Variants in ADAM15 observed in about 807,000 individuals in gnomAD.
ADAM15 encodes disintegrin and metalloproteinase domain-containing protein 15.
Under a neutral mutation model 113.8 loss-of-function variants are expected in ADAM15, and 77 were observed. That is an observed-to-expected ratio of 0.68 (90% CI 0.56 to 0.82). ADAM15 has a LOEUF of 0.82. Among genes scored for constraint, ADAM15 ranks in the 40% least tolerant of loss-of-function variants. The probability of loss-of-function intolerance (pLI) is 0.00; values close to 1 mark genes in which losing one functional copy is unlikely to be tolerated. For missense variants in ADAM15, 963 were observed against 1,120.1 expected (o/e 0.86, Z 2.00); for synonymous variants, 388 against 454.1 (o/e 0.85, Z 1.85).
In ADAM15 at chr1:155,055,808, G is replaced by C; in HGVS notation, c.631G>C (p.Glu211Gln). Residue 211 changes from glutamate to glutamine, a missense_variant, in exon 7 of 23, where the codon GAG becomes CAG. Physicochemically the swap from Glu to Gln is conservative, Grantham distance 29 (BLOSUM62 2). Coordinates refer to ENST00000356955, the MANE Select transcript of ADAM15 (RefSeq NM_207197.3). Reference protein sequence around the residue: ...HIRRRRDVVTETKTVELVIVA... With the variant: ...HIRRRRDVVTQTKTVELVIVA... ...ATAGTAGAGGCGGGATGTGGTAACA[G>C]AGACCAAGACTGTGGAGTTGGTGAT... 1 of 1,614,220 alleles carries C rather than the reference G, an allele frequency of 6.2e-7. No homozygotes were observed. The highest frequency in any genetic ancestry group is 8.5e-7 in the Non-Finnish European group (1 of 1,180,042).
Position 155,060,788 on chromosome 1 carries a change from CG to C in ADAM15, c.2235del (p.Pro746GlnfsTer59). 1 of 1,613,516 alleles carries C rather than the reference CG, an allele frequency of 6.2e-7. No individual in the cohort carries two copies. Among genetic ancestry groups the C allele is most frequent in the East Asian group, 2.2e-5 (1 of 44,878 alleles). Reference sequence around the variant, plus strand: ...GGCAGCCCAATCTGGTCCCTCTGAACGGCCAGGACCTCCGCAGAGGGCCCTG... The same window carrying C: ...GGCAGCCCAATCTGGTCCCTCTGAACGCCAGGACCTCCGCAGAGGGCCCTG... ...YRAAQSGPSE[R>X]PGPPQRALLA... On this transcript the variant is annotated frameshift_variant, in exon 19 of 23. Transcript: ENST00000356955. LOFTEE classifies it high-confidence loss of function.
Position 155,061,458 on chromosome 1 carries a change from T to A in ADAM15, c.2321T>A (p.Leu774Gln). 1 of 1,613,742 alleles carries A rather than the reference T, an allele frequency of 6.2e-7. No homozygotes were observed. The highest frequency in any genetic ancestry group is 8.5e-7 in the Non-Finnish European group (1 of 1,179,862). Residue 774 changes from leucine (L) to glutamine (Q), a missense_variant, in exon 20 of 23, where the codon CTG (leucine) becomes CAG (glutamine). Transcript: ENST00000356955. The stretch of plus-strand genomic sequence containing the variant: ...TTCCCGGCCCCCCCTTCCAGGCCGC[T>A]GCCGCCTGACCCTGTGTCCAAGAGA... ...LSFPAPPSRPLPPDPVSKRLQ... is the reference protein window; with the variant it reads ...LSFPAPPSRPQPPDPVSKRLQ...
chr1:155,061,509 C>T lies in ADAM15; in HGVS notation c.2352+20C>T, dbSNP rs376915894. ...CTCCAGGTAAATCTGGGCCAGGGCC[C>T]GCCCTGAGCCAAGGCAGGTGGGAGG... On this transcript the variant is annotated intron_variant, in intron 20 of 22. Coordinates refer to ENST00000356955, the MANE Select transcript of ADAM15 (RefSeq NM_207197.3). The T allele has an allele frequency of 3.0e-5, 48 of 1,610,890 alleles. No homozygotes were observed. The highest frequency in any genetic ancestry group is 1.7e-4 in the Middle Eastern group (1 of 6,052).
Position 155,057,417 on chromosome 1 carries a change from T to A in ADAM15, c.1323+55T>A. The A allele has an allele frequency of 6.2e-7, 1 of 1,602,288 alleles. No individual in the cohort carries two copies. Among genetic ancestry groups the A allele is most frequent in the Non-Finnish European group, 8.5e-7 (1 of 1,171,336 alleles). ...CTCACTTCTGTACCCTCACCCTGGC[T>A]CATTAGCCCTATCCCAGCCTCCTGA... On this transcript the variant is annotated intron_variant, in intron 12 of 22. Coordinates refer to ENST00000356955, the MANE Select transcript of ADAM15 (RefSeq NM_207197.3). This position sits in a 1 kb window ranked among gnomAD's most constrained non-coding sequence, Gnocchi z 5.0.
chr1:155,061,756 C>T, intron 20 of ADAM15, 148 bp from the exon 21 acceptor site: 1 of 965,336 alleles, frequency 1.0e-6, no homozygotes, highest in Non-Finnish European at 1.6e-6. Flanking sequence ...CATCAGCTGG[C>T]ATGCCTCCAA....
In ADAM15 at chr1:155,057,642, C is replaced by G; in HGVS notation, c.1329C>G (p.Cys443Trp). 1 of 1,614,168 alleles carries G rather than the reference C, an allele frequency of 6.2e-7. No individual in the cohort carries two copies. ...CCCCGTGCTCCTGCCCACAGGACTG[C>G]GTCGATCCCTGCTGTGATTCTTTGA... Reference protein sequence around the residue: ...EQCDCGFLDDCVDPCCDSLTC... With the variant: ...EQCDCGFLDDWVDPCCDSLTC... The change falls in exon 13 of 23, where the codon TGC becomes TGG. Residue 443 changes from cysteine (C) to tryptophan (W), a missense_variant. Transcript: ENST00000356955. The surrounding 1 kb of genome is among the most constrained non-coding windows in gnomAD (Gnocchi z 5.0).
At position 155,057,381 on chromosome 1, in the gene ADAM15, G is replaced by A; in HGVS notation, c.1323+19G>A. ...CCTGGATGTGAGCCCCTTTCCCAAAGCCTCGCCCCACTCACTTCTGTACCC... is the reference window on the plus strand; with the variant it reads ...CCTGGATGTGAGCCCCTTTCCCAAAACCTCGCCCCACTCACTTCTGTACCC... On this transcript the variant is annotated intron_variant, in intron 12 of 22. Transcript: ENST00000356955. This position sits in a 1 kb window ranked among gnomAD's most constrained non-coding sequence, Gnocchi z 5.0. 1 of 1,613,726 alleles carries A rather than the reference G, an allele frequency of 6.2e-7. No individual in the cohort carries two copies. Among genetic ancestry groups the A allele is most frequent in the Non-Finnish European group, 8.5e-7 (1 of 1,179,750 alleles).
At chr1:155,061,797 C>A in intron 20 of ADAM15, 107 bp from the exon 21 acceptor site, 6 of 1,233,236 alleles carry the variant, frequency 4.9e-6, no homozygotes, top group Non-Finnish European at 6.8e-6. Flanking sequence ...TTCTCTCCTG[C>A]CCCCTGGCTG....
At chr1:155,052,426 A>T in intron 1 of ADAM15, 1 of 1,407,376 alleles carries the variant, frequency 7.1e-7, no homozygotes, top group Admixed American at 2.1e-5. Flanking sequence ...GGAGGGCCAC[A>T]GGCTGCGCAA....
rs115600527 is a variant in ADAM15, at chr1:155,056,447, G to C, written c.976G>C (p.Asp326His). 6.2e-7 allele frequency: 1 copy of C among 1,614,128 alleles called. No individual in the cohort carries two copies. The highest frequency in any genetic ancestry group is 8.5e-7 in the Non-Finnish European group (1 of 1,180,014). The change falls in exon 10 of 23, where the codon GAC becomes CAC. Residue 326 changes from aspartate to histidine, a missense_variant. Asp to His is a moderately conservative substitution (Grantham distance 81). Transcript: ENST00000356955. This position sits in a 1 kb window ranked among gnomAD's most constrained non-coding sequence, Gnocchi z 4.0. ...CATTCAGAACTCCATCTGTTCTCCTGACTTCTCAGGAGGTGTGAACATGGT... is the reference window on the plus strand; with the variant it reads ...CATTCAGAACTCCATCTGTTCTCCTCACTTCTCAGGAGGTGTGAACATGGT... ...MAIQNSICSP[D>H]FSGGVNMDHS...
At position 155,052,381 on chromosome 1, in the gene ADAM15, C is replaced by A. The variant is rs1661165061; in HGVS notation, c.80-290C>A. 8.5e-6 allele frequency: 8 copies of A among 941,286 alleles called. No homozygotes were observed. In the South Asian group the frequency reaches 1.0e-4, roughly 12 times the overall value. The allele number at this position is 941,286 out of a possible 1,614,324, so 58.3% of individuals were successfully genotyped here. On this transcript the variant is annotated intron_variant, in intron 1 of 22. Transcript: ENST00000356955. ...GGAGGGAGTGGGAACCGGGGAGGGT[C>A]CTGTGAGAACCTGGGATTGGCCGGA...
chr1:155,057,135 G>T lies in ADAM15; in HGVS notation c.1148+34G>T, dbSNP rs1405634786. ...CTGCAGGATGGAGAGAGGGTGTGGG[G>T]CAGGGGGCAGGGAGAGGCCCCCAGC... is the stretch of plus-strand genomic sequence containing the variant. On this transcript the variant is annotated intron_variant, in intron 11 of 22. Coordinates refer to ENST00000356955, the MANE Select transcript of ADAM15 (RefSeq NM_207197.3). This position sits in a 1 kb window ranked among gnomAD's most constrained non-coding sequence, Gnocchi z 5.0. The T allele has an allele frequency of 6.3e-7, 1 of 1,581,904 alleles. No homozygotes were observed. Among genetic ancestry groups the T allele is most frequent in the Non-Finnish European group, 8.6e-7 (1 of 1,161,622 alleles).
chr1:155,052,518 ATTC>A lies in ADAM15; in HGVS notation c.80-147_80-145del, dbSNP rs748843686. 5.3e-5 allele frequency: 82 copies of A among 1,544,544 alleles called. No individual in the cohort carries two copies. The East Asian group carries it at 1.6e-3, about 30-fold the overall frequency. ...TAGAGAGACACCCTCTCCTTCCAGT[ATTC>A]TTCTTTAAGTCTCAGCATGCAATGT... On this transcript the variant is annotated intron_variant, in intron 1 of 22. Transcript: ENST00000356955.
At chr1:155,060,739 C>T in intron 18 of ADAM15, 24 bp from the exon 19 acceptor site, 2 of 1,611,830 alleles carry the variant, frequency 1.2e-6, no homozygotes, top group Non-Finnish European at 1.7e-6. Flanking sequence ...GGCCCTCTCC[C>T]TTCTTGCCTT....
In ADAM15 at chr1:155,054,189, G is replaced by A. The variant is rs780522674; in HGVS notation, c.382G>A (p.Gly128Ser). ...CCAGGGAAGAGTGCGGGGATATGCA[G>A]GCTCCTGGGTGTCCATCTGCACCTG... ...CYQGRVRGYA[G>S]SWVSICTCSG... The change falls in exon 5 of 23, where the codon GGC becomes AGC. Residue 128 changes from glycine to serine, a missense_variant. Coordinates refer to ENST00000356955, the MANE Select transcript of ADAM15 (RefSeq NM_207197.3). 6.2e-7 allele frequency: 1 copy of A among 1,610,572 alleles called. No individual in the cohort carries two copies. Among genetic ancestry groups the A allele is most frequent in the Non-Finnish European group, 8.5e-7 (1 of 1,178,992 alleles).
intron 20 of ADAM15, 99 bp from the exon 21 acceptor site, chr1:155,061,805 C>T (rs1382263749): frequency 2.3e-6 from 3 of 1,301,744 alleles, no homozygotes; most frequent in Non-Finnish European, 3.2e-6. Flanking sequence ...TGCCCCCTGG[C>T]TGACTTTGCA....
Position 155,054,457 on chromosome 1 carries a change from ACACT to A in ADAM15, c.566_569del (p.Thr189ArgfsTer20). On this transcript the variant is annotated frameshift_variant, in exon 6 of 23. Coordinates refer to ENST00000356955, the MANE Select transcript of ADAM15 (RefSeq NM_207197.3). LOFTEE classifies it high-confidence loss of function. The stretch of plus-strand genomic sequence containing the variant: ...GCCCTGAGCTGGCGGGAATCTGTAC[ACACT>A]CAGAAGCCACCAGAGCACCCCCTGG... The A allele has an allele frequency of 6.2e-7, 1 of 1,607,328 alleles. No individual in the cohort carries two copies. The highest frequency in any genetic ancestry group is 8.5e-7 in the Non-Finnish European group (1 of 1,176,310).
At chr1:155,053,579 C>A in intron 3 of ADAM15, 86 bp downstream of exon 3, 3 of 1,384,958 alleles carry the variant, frequency 2.2e-6, no homozygotes, top group Non-Finnish European at 3.1e-6. Context: ...AGTGCTTGTG[C>A]TCATTTAATC....
intron 19 of ADAM15, 57 bp from the exon 20 acceptor site, chr1:155,061,358 C>T (rs1182717625): frequency 1.4e-5 from 21 of 1,504,258 alleles, no homozygotes; most frequent in Non-Finnish European, 1.7e-5. Context: ...CCTGCCCACT[C>T]TGTCTCTCTG....
Sources: allele counts gnomAD v4.1 joint callset, GRCh38; gene constraint gnomAD v4.1.1; non-coding constraint Gnocchi (gnomAD v3.1); transcripts MANE v1.5; gene names NCBI Gene and HGNC (gene_info 2026-07-23, HGNC 2026-07-21).